TMEM196: variants seen among roughly 807,000 people sequenced by gnomAD.
TMEM196 encodes the protein transmembrane protein 196.
A neutral mutation model predicts 20.0 loss-of-function variants in TMEM196; 17 were observed. The ratio of observed to expected loss-of-function variants is 0.85; its 90% confidence interval spans 0.58 to 1.27. The LOEUF (loss-of-function observed/expected upper bound fraction) is 1.27, where lower values mean the gene tolerates loss of function less well. Among genes scored for constraint, TMEM196 ranks in the 50% most tolerant of loss-of-function variants. The pLI, the probability that TMEM196 is intolerant of heterozygous loss-of-function variation, is 0.00. For missense variants in TMEM196, 267 were observed against 223.0 expected (o/e 1.20, Z -1.26); for synonymous variants, 113 against 88.9 (o/e 1.27, Z -1.52).
chr7:19,722,366 G>A (rs1177326737), intron 4 of TMEM196, among the ~76,000 whole-genome samples: 4 of 151,958 alleles, frequency 2.6e-5, no homozygotes, highest in African/African-American at 7.3e-5. Context: ...CCACAACAAC[G>A]GTCCATTCTC....
At chr7:19,722,226 A>G in intron 4 of TMEM196, 92 bp from the exon 5 acceptor site, 1 of 1,096,928 alleles carries the variant, frequency 9.1e-7, no homozygotes, top group Non-Finnish European at 1.3e-6. Flanking sequence ...ATTTCAATCC[A>G]TTGAAAAACT....
chr7:19,737,390 T>A (rs1784444997), intron 1 of TMEM196, among the ~76,000 whole-genome samples: 2 of 152,062 alleles, frequency 1.3e-5, no homozygotes, highest in South Asian at 2.1e-4. Context: ...GTAGCCACTA[T>A]GTAAAACAAG....
intron 1 of TMEM196, among the ~76,000 whole-genome samples, chr7:19,749,529 T>C (rs116820762): frequency 0.028 from 4,332 of 152,290 alleles, 167 homozygotes; most frequent in East Asian, 0.18. Context: ...TCTGCTCTTT[T>C]TTTTAAATAA....
In TMEM196 at chr7:19,736,741, A is replaced by G. The variant is rs147916068; in HGVS notation, c.148-7303T>C. Among the ~76,000 whole-genome samples, 60 of 152,070 alleles carry G rather than the reference A, an allele frequency of 3.9e-4. No homozygotes were observed. The East Asian group carries it at 9.3e-3, about 23-fold the overall frequency. On this transcript the variant is annotated intron_variant, in intron 1 of 4. Coordinates refer to ENST00000405844, the MANE Select transcript of TMEM196 (RefSeq NM_001363562.2). ...ATATCAATAAACATGAAGACCAGAT[A>G]AACCGCTCTTCAAGGGAGAAACATG...
At chr7:19,752,104 C>T (rs925828238) in intron 1 of TMEM196, among the ~76,000 whole-genome samples, 1 of 152,174 alleles carries the variant, frequency 6.6e-6, no homozygotes, top group Non-Finnish European at 1.5e-5. Context: ...TGTGTCGATG[C>T]TCCAAGAAAC....
At chr7:19,743,759 G>A (rs995759169) in intron 1 of TMEM196, among the ~76,000 whole-genome samples, 1 of 152,130 alleles carries the variant, frequency 6.6e-6, no homozygotes, top group Non-Finnish European at 1.5e-5. Context: ...AAGCAAACAT[G>A]AATTACATCT....
chr7:19,737,934 A>G (rs1046819485), intron 1 of TMEM196, among the ~76,000 whole-genome samples: 3 of 152,046 alleles, frequency 2.0e-5, no homozygotes, highest in Non-Finnish European at 4.4e-5. Context: ...GTTAAAAATT[A>G]AAAAATTAGG....
intron 1 of TMEM196, among the ~76,000 whole-genome samples, chr7:19,762,072 C>CG (rs1383143656): frequency 6.6e-6 from 1 of 152,084 alleles, no homozygotes; most frequent in Non-Finnish European, 1.5e-5. Context: ...GGTGTTAGAG[C>CG]TGTTTCTGCT....
Position 19,724,366 on chromosome 7 carries a change from T to A in TMEM196, c.460-13A>T, listed in dbSNP as rs754263214. 6.5e-7 allele frequency: 1 copy of A among 1,549,160 alleles called. No individual in the cohort carries two copies. Among genetic ancestry groups the A allele is most frequent in the East Asian group, 2.4e-5 (1 of 40,900 alleles). ...TAGCCCTCAATCTCTAATGTAAATA[T>A]AACAATCATACAATAAATATTGCAC... On this transcript the variant is annotated splice_polypyrimidine_tract_variant and intron_variant, in intron 3 of 4. Coordinates refer to ENST00000405844, the MANE Select transcript of TMEM196 (RefSeq NM_001363562.2).
intron 1 of TMEM196, among the ~76,000 whole-genome samples, chr7:19,734,613 G>A (rs1562611115): frequency 6.6e-6 from 1 of 152,172 alleles, no homozygotes; most frequent in Admixed American, 6.5e-5. Flanking sequence ...ATGCTACGCT[G>A]TTTGCTTTGA....
chr7:19,740,285 G>A (rs954301550), intron 1 of TMEM196, among the ~76,000 whole-genome samples: 12 of 152,052 alleles, frequency 7.9e-5, no homozygotes. Flanking sequence ...TGTGTAGAAA[G>A]GCAAGAAATA....
At position 19,726,984 on chromosome 7, in the gene TMEM196, G is replaced by C. The variant is rs1037819985; in HGVS notation, c.205-1216C>G. Among the ~76,000 whole-genome samples, 6 of 152,192 alleles carry C rather than the reference G, an allele frequency of 3.9e-5. No individual in the cohort carries two copies. The East Asian group carries it at 1.2e-3, about 29-fold the overall frequency. Reference sequence around the variant, plus strand: ...TCTTCCTTAGACTCATGGATGAAAGGCACAAATTAAGTCCTAACTTGGACT... The same window carrying C: ...TCTTCCTTAGACTCATGGATGAAAGCCACAAATTAAGTCCTAACTTGGACT... On this transcript the variant is annotated intron_variant, in intron 2 of 4. Coordinates refer to ENST00000405844, the MANE Select transcript of TMEM196 (RefSeq NM_001363562.2).
chr7:19,743,966 G>A (rs1784662220), intron 1 of TMEM196, among the ~76,000 whole-genome samples: 1 of 152,076 alleles, frequency 6.6e-6, no homozygotes, highest in Non-Finnish European at 1.5e-5. Context: ...TGTCTGATCC[G>A]AATCAGATAG....
chr7:19,758,720 T>C (rs953238238), intron 1 of TMEM196, among the ~76,000 whole-genome samples: 1 of 152,230 alleles, frequency 6.6e-6, no homozygotes, highest in African/African-American at 2.4e-5. Flanking sequence ...GCACACGTAC[T>C]CAGAATTCTA....
intron 1 of TMEM196, among the ~76,000 whole-genome samples, chr7:19,734,254 T>C (rs1267065178): frequency 6.6e-6 from 1 of 152,062 alleles, no homozygotes; most frequent in Non-Finnish European, 1.5e-5. Context: ...TACAAAATAC[T>C]GAAAAAAAAT....
intron 1 of TMEM196, among the ~76,000 whole-genome samples, chr7:19,759,692 T>C (rs1785359102): frequency 6.6e-6 from 1 of 151,872 alleles, no homozygotes; most frequent in South Asian, 2.1e-4. Context: ...TTTTTCTAAT[T>C]ATCTACTTCT....
intron 2 of TMEM196, 142 bp from the exon 3 acceptor site, chr7:19,725,910 A>G: frequency 1.0e-6 from 1 of 998,956 alleles, no homozygotes; most frequent in Non-Finnish European, 1.4e-6. Flanking sequence ...AGAGGACAGG[A>G]GATTTTTTTT....
At chr7:19,726,846 T>C (rs1784017603) in intron 2 of TMEM196, among the ~76,000 whole-genome samples, 1 of 152,230 alleles carries the variant, frequency 6.6e-6, no homozygotes, top group Non-Finnish European at 1.5e-5. Flanking sequence ...TGCAATCTAA[T>C]TTCCATTCTT....
rs997140414 is a variant in TMEM196 at position 19,723,264 on chromosome 7, AC to A, written c.533+1015del. Among the ~76,000 whole-genome samples the A allele has an allele frequency of 4.0e-5, 6 of 151,494 alleles. No individual in the cohort carries two copies. The East Asian group carries it at 1.2e-3, about 29-fold the overall frequency. On this transcript the variant is annotated intron_variant, in intron 4 of 4. Coordinates refer to ENST00000405844, the MANE Select transcript of TMEM196 (RefSeq NM_001363562.2). ...CATTGATGGCAAAATAGGTAGAATC[AC>A]CCCCCACCCCCAATGATCTTCAACA...
Sources: gnomAD v4.1 joint callset for allele counts (sites outside exome capture counted in the v4.1 genomes callset) on GRCh38, gnomAD v4.1.1 for gene constraint, MANE v1.5 for transcripts, NCBI Gene and HGNC (gene_info 2026-07-23, HGNC 2026-07-21) for gene names.